CLEC2D: variants seen among roughly 807,000 people sequenced by gnomAD.
CLEC2D encodes the protein C-type lectin domain family 2 member D.
In CLEC2D, 16 loss-of-function variants were observed where a neutral mutation model predicts 20.0. The observed-to-expected ratio is 0.80, with a 90% CI of 0.54 to 1.22. The LOEUF (loss-of-function observed/expected upper bound fraction) is 1.22, where lower values mean the gene tolerates loss of function less well. Ranked by LOEUF, CLEC2D falls within the 50% of genes most tolerant of loss-of-function variation. CLEC2D has a pLI of 0.00. For synonymous variants in CLEC2D, 77 were observed against 71.1 expected, an observed-to-expected ratio of 1.08 and a Z score of -0.42; for missense variants, 207 against 221.5, an observed-to-expected ratio of 0.93 and a Z score of 0.42.
rs1362927406 is a variant in CLEC2D, at chr12:9,699,541, A to G, written c.*4667A>G. ...ATTCTGAATAAACACTTTGAAAGGC[A>G]GTGAACTGTAAATATATTACAGCTA... On this transcript the variant is annotated 3_prime_UTR_variant, in exon 5 of 5. Transcript: ENST00000290855. 6.6e-6 allele frequency: 1 copy of G among 152,204 alleles called. No homozygotes were observed. The highest frequency in any genetic ancestry group is 1.5e-5 in the Non-Finnish European group (1 of 68,020). The allele number at this position is 152,204 out of a possible 1,614,324, so 9.4% of individuals were successfully genotyped here. A position where few individuals can be genotyped will look rare whatever the true frequency, so the allele number is the denominator to read the frequency against.
At chr12:9,678,613 C>T (rs1865571513) in intron 1 of CLEC2D, among the ~76,000 whole-genome samples, 1 of 152,232 alleles carries the variant, frequency 6.6e-6, no homozygotes, top group South Asian at 2.1e-4. Context: ...AATCATAGCT[C>T]CCTGTACCCT....
chr12:9,695,057 A>G lies in CLEC2D; in HGVS notation c.*183A>G, dbSNP rs1411116502. On this transcript the variant is annotated 3_prime_UTR_variant, in exon 5 of 5. Coordinates refer to ENST00000290855, the MANE Select transcript of CLEC2D (RefSeq NM_013269.6). The stretch of plus-strand genomic sequence containing the variant: ...AATATTACCTGTTTTCATGGTGCTA[A>G]TATTACCTGTTCTCCCACTGCTAAT... 1.7e-6 allele frequency: 1 copy of G among 587,394 alleles called. No homozygotes were observed. The highest frequency in any genetic ancestry group is 3.0e-6 in the Non-Finnish European group (1 of 329,888). 36.4% of individuals were successfully genotyped at this position (587,394 alleles called of 1,614,324 possible). A position where few individuals can be genotyped will look rare whatever the true frequency, so the allele number is the denominator to read the frequency against.
At chr12:9,687,547 A>C (rs1305281786) in intron 2 of CLEC2D, among the ~76,000 whole-genome samples, 1 of 152,236 alleles carries the variant, frequency 6.6e-6, no homozygotes, top group Non-Finnish European at 1.5e-5. Context: ...GAGCACTTGG[A>C]GAACTATCTG....
intron 1 of CLEC2D, among the ~76,000 whole-genome samples, chr12:9,675,002 G>GGCCTAGATTCATATTT (rs1865493805): frequency 6.6e-6 from 1 of 151,996 alleles, no homozygotes; most frequent in African/African-American, 2.4e-5. Context: ...GTAAAATCTG[G>GGCCTAGATTCATATTT]GCCTAGATTC....
At chr12:9,674,419 G>C (rs776681460) in intron 1 of CLEC2D, among the ~76,000 whole-genome samples, 7 of 152,312 alleles carry the variant, frequency 4.6e-5, no homozygotes, top group Non-Finnish European at 8.8e-5. Flanking sequence ...CCTGCTTCCT[G>C]TGGGTTGCAC....
rs775264251 is a variant in CLEC2D, at chr12:9,695,344, C to T, written c.*470C>T. On this transcript the variant is annotated 3_prime_UTR_variant, in exon 5 of 5. Transcript: ENST00000290855. Reference sequence around the variant, plus strand: ...CTCTGGAGCAGCATTCATTTATCTTCGTCTGCCTTGTCTCCTACCTAAGTG... The same window carrying T: ...CTCTGGAGCAGCATTCATTTATCTTTGTCTGCCTTGTCTCCTACCTAAGTG... The T allele has an allele frequency of 4.5e-4, 464 of 1,029,790 alleles. 1 individual carries two copies. Among genetic ancestry groups the T allele is most frequent in the Non-Finnish European group, 6.3e-4 (421 of 663,980 alleles). The allele number at this position is 1,029,790 out of a possible 1,614,324, so 63.8% of individuals were successfully genotyped here. A position where few individuals can be genotyped will look rare whatever the true frequency, so the allele number is the denominator to read the frequency against.
At chr12:9,690,038 TAA>T (rs1025045469) in intron 3 of CLEC2D, among the ~76,000 whole-genome samples, 1 of 150,414 alleles carries the variant, frequency 6.6e-6, no homozygotes, top group African/African-American at 2.4e-5. Context: ...AGGGTAAACT[TAA>T]AGAGATCTAC....
intron 2 of CLEC2D, among the ~76,000 whole-genome samples, chr12:9,687,589 T>C (rs1256344659): frequency 6.6e-6 from 1 of 152,174 alleles, no homozygotes; most frequent in African/African-American, 2.4e-5. Flanking sequence ...CTATCATTAA[T>C]GTATCTAATA....
rs1450553942 is a variant in CLEC2D at position 9,699,197 on chromosome 12, A to G, written c.*4323A>G. 1 of 152,008 alleles carries G rather than the reference A, an allele frequency of 6.6e-6. No homozygotes were observed. Among genetic ancestry groups the G allele is most frequent in the Non-Finnish European group, 1.5e-5 (1 of 68,004 alleles). 9.4% of individuals were successfully genotyped at this position (152,008 alleles called of 1,614,324 possible). On this transcript the variant is annotated 3_prime_UTR_variant, in exon 5 of 5. Transcript: ENST00000290855. ...TAAGGACAAGGGTATATCACCATCT[A>G]TACCCCATTGCTTGGTGGGGTGATC...
At position 9,695,884 on chromosome 12, in the gene CLEC2D, G is replaced by A; in HGVS notation, c.*1010G>A. ...TGATGATGATGATGAAGATGATGAT[G>A]ATGATGATGACGAGGAAGCTGAAGA... is the stretch of plus-strand genomic sequence containing the variant. On this transcript the variant is annotated 3_prime_UTR_variant, in exon 5 of 5. Coordinates refer to ENST00000290855, the MANE Select transcript of CLEC2D (RefSeq NM_013269.6). The A allele has an allele frequency of 3.7e-6, 4 of 1,091,904 alleles. No homozygotes were observed. The highest frequency in any genetic ancestry group is 5.6e-6 in the Non-Finnish European group (4 of 718,346). The allele number at this position is 1,091,904 out of a possible 1,614,324, so 67.6% of individuals were successfully genotyped here.
rs1442955677 is a variant in CLEC2D at position 9,699,061 on chromosome 12, C to T, written c.*4187C>T. ...CACAAACCATTGTCTTCTCTGCAAG[C>T]CCAGTAGACTTTGTCCCAGGCCATT... On this transcript the variant is annotated 3_prime_UTR_variant, in exon 5 of 5. Transcript: ENST00000290855. 6.6e-6 allele frequency: 1 copy of T among 152,140 alleles called. No homozygotes were observed. Among genetic ancestry groups the T allele is most frequent in the African/African-American group, 2.4e-5 (1 of 41,428 alleles). 9.4% of individuals were successfully genotyped at this position (152,140 alleles called of 1,614,324 possible).
intron 1 of CLEC2D, among the ~76,000 whole-genome samples, chr12:9,671,247 G>A (rs953577949): frequency 2.0e-5 from 3 of 152,050 alleles, no homozygotes; most frequent in Admixed American, 6.5e-5. Flanking sequence ...TTTTTGAGGT[G>A]GAGTCTCACT....
rs868123687 is a variant in CLEC2D, at chr12:9,696,227, T to C, written c.*1353T>C. The stretch of plus-strand genomic sequence containing the variant: ...GATCTCTGGCAGTGGAGGAAGTCTC[T>C]TTAAGAAAATAGTTTAAACAATTTG... On this transcript the variant is annotated 3_prime_UTR_variant, in exon 5 of 5. Coordinates refer to ENST00000290855, the MANE Select transcript of CLEC2D (RefSeq NM_013269.6). The C allele has an allele frequency of 2.4e-4, 201 of 830,564 alleles. 1 individual carries two copies. Among genetic ancestry groups the C allele is most frequent in the Non-Finnish European group, 1.4e-4 (67 of 483,928 alleles). 51.4% of individuals were successfully genotyped at this position (830,564 alleles called of 1,614,324 possible).
chr12:9,699,476 G>A lies in CLEC2D; in HGVS notation c.*4602G>A, dbSNP rs535586384. ...GCTTTTCATTGAAATAGAATGAAAAGGTTGCACAATATTATTTTCATGAAA... is the reference window on the plus strand; with the variant it reads ...GCTTTTCATTGAAATAGAATGAAAAAGTTGCACAATATTATTTTCATGAAA... On this transcript the variant is annotated 3_prime_UTR_variant, in exon 5 of 5. Coordinates refer to ENST00000290855, the MANE Select transcript of CLEC2D (RefSeq NM_013269.6). 1 of 152,038 alleles carries A rather than the reference G, an allele frequency of 6.6e-6. No individual in the cohort carries two copies. Among genetic ancestry groups the A allele is most frequent in the Non-Finnish European group, 1.5e-5 (1 of 68,014 alleles). 9.4% of individuals were successfully genotyped at this position (152,038 alleles called of 1,614,324 possible). A position where few individuals can be genotyped will look rare whatever the true frequency, so the allele number is the denominator to read the frequency against.
chr12:9,686,199 G>A (rs1591698403), intron 2 of CLEC2D, among the ~76,000 whole-genome samples: 1 of 151,706 alleles, frequency 6.6e-6, no homozygotes, highest in Non-Finnish European at 1.5e-5. Context: ...ACCAGTCCCA[G>A]TGAGATGATC....
At chr12:9,678,830 A>G (rs1227069652) in intron 1 of CLEC2D, among the ~76,000 whole-genome samples, 3 of 152,182 alleles carry the variant, frequency 2.0e-5, no homozygotes, top group Non-Finnish European at 2.9e-5. Flanking sequence ...TGTAAGCTAC[A>G]ACACCCAGCC....
At chr12:9,677,981 C>T (rs1409723181) in intron 1 of CLEC2D, among the ~76,000 whole-genome samples, 1 of 151,962 alleles carries the variant, frequency 6.6e-6, no homozygotes, top group African/African-American at 2.4e-5. Flanking sequence ...TTTGGGCCTC[C>T]CAAAGTGCTG....
At chr12:9,683,326 TTTG>T (rs1565467257) in intron 2 of CLEC2D, among the ~76,000 whole-genome samples, 3 of 20,864 alleles carry the variant, frequency 1.4e-4, no homozygotes, top group African/African-American at 2.2e-4. Context: ...TAGTTTGTTT[TTTG>T]TGTTTGTTTT....
At chr12:9,682,941 G>A (rs1488268017) in intron 2 of CLEC2D, among the ~76,000 whole-genome samples, 1 of 152,118 alleles carries the variant, frequency 6.6e-6, no homozygotes, top group African/African-American at 2.4e-5. Flanking sequence ...CAAAATGGTT[G>A]AACTAATTTA....
Sources: allele counts gnomAD v4.1 joint callset (sites outside exome capture counted in the v4.1 genomes callset), GRCh38; gene constraint gnomAD v4.1.1; transcripts MANE v1.5; gene names NCBI Gene and HGNC (gene_info 2026-07-23, HGNC 2026-07-21).